Variants in PPP1R3B observed in about 807,000 individuals in gnomAD.
PPP1R3B encodes the protein protein phosphatase 1 regulatory subunit 3B.
In PPP1R3B, 8 loss-of-function variants were observed where a neutral mutation model predicts 14.6. The ratio of observed to expected loss-of-function variants is 0.55; its 90% confidence interval spans 0.32 to 0.99. The LOEUF is 0.99. Among genes scored for constraint, PPP1R3B ranks in the 50% least tolerant of loss-of-function variants. PPP1R3B has a pLI of 0.04. For synonymous variants in PPP1R3B, 169 were observed against 142.0 expected (o/e 1.19, Z -1.35); for missense variants, 452 against 360.1 (o/e 1.26, Z -2.07).
chr8:9,146,987 A>AT (rs879277011), intron 1 of PPP1R3B, among the ~76,000 whole-genome samples: 241 of 147,142 alleles, frequency 1.6e-3, no homozygotes, highest in African/African-American at 3.4e-3. Flanking sequence ...CTTATTTTTA[A>AT]TTTTTTTTTT....
At chr8:9,147,984 G>A (rs1054031068) in intron 1 of PPP1R3B, among the ~76,000 whole-genome samples, 10 of 152,120 alleles carry the variant, frequency 6.6e-5, no homozygotes, top group South Asian at 2.1e-4. Flanking sequence ...TAACCTGTGT[G>A]GCCTCAATCT....
chr8:9,141,776 T>G, intron 1 of PPP1R3B, 108 bp from the exon 2 acceptor site: 3 of 1,050,440 alleles, frequency 2.9e-6, no homozygotes, highest in Non-Finnish European at 4.0e-6. Flanking sequence ...TATTTCCTTT[T>G]ATCTATGCCC....
rs749147402 is a variant in PPP1R3B at position 9,140,732 on chromosome 8, G to A, written c.*62C>T. The A allele has an allele frequency of 3.2e-4, 496 of 1,571,254 alleles. No homozygotes were observed. Among genetic ancestry groups the A allele is most frequent in the Non-Finnish European group, 3.8e-4 (442 of 1,153,918 alleles). On this transcript the variant is annotated 3_prime_UTR_variant, in exon 2 of 2. Coordinates refer to ENST00000310455, the MANE Select transcript of PPP1R3B (RefSeq NM_024607.4). ...TCCTCCCTGGCCTTCCATCTCCACTGCACAGTGAGCAGAGCTAGGCTTGTC... is the reference window on the plus strand; with the variant it reads ...TCCTCCCTGGCCTTCCATCTCCACTACACAGTGAGCAGAGCTAGGCTTGTC...
In PPP1R3B at chr8:9,141,274, A is replaced by T; in HGVS notation, c.378T>A (p.Asn126Lys). The T allele has an allele frequency of 6.2e-7, 1 of 1,614,114 alleles. No homozygotes were observed. Among genetic ancestry groups the T allele is most frequent in the Non-Finnish European group, 8.5e-7 (1 of 1,180,020 alleles). ...QPSADYLDFRNRLQADHVCLE... is the reference protein window; with the variant it reads ...QPSADYLDFRKRLQADHVCLE... ...GGCAGACGTGGTCGGCCTGAAGTCG[A>T]TTTCTAAAGTCTAAGTAATCTGCAG... The change falls in exon 2 of 2, where the codon AAT becomes AAA. Residue 126 changes from asparagine (N) to lysine (K), a missense_variant. By Grantham distance (94) the Asn-to-Lys change is moderately conservative. Coordinates refer to ENST00000310455, the MANE Select transcript of PPP1R3B (RefSeq NM_024607.4).
chr8:9,142,107 G>A (rs568547212), intron 1 of PPP1R3B, among the ~76,000 whole-genome samples: 1 of 152,266 alleles, frequency 6.6e-6, no homozygotes, highest in East Asian at 1.9e-4. Flanking sequence ...ATTTATTTAC[G>A]TATTTTTAGA....
At chr8:9,146,147 A>G (rs1477094368) in intron 1 of PPP1R3B, among the ~76,000 whole-genome samples, 1 of 152,208 alleles carries the variant, frequency 6.6e-6, no homozygotes, top group Non-Finnish European at 1.5e-5. Flanking sequence ...AGCACTTTTT[A>G]TCATTCTAAT....
rs1348765646 is a variant in PPP1R3B at position 9,140,851 on chromosome 8, A to T, written c.801T>A (p.Gly267=). 2 of 1,614,090 alleles carry T rather than the reference A, an allele frequency of 1.2e-6. No individual in the cohort carries two copies. The highest frequency in any genetic ancestry group is 1.7e-5 in the Admixed American group (1 of 60,020). ...AGTAACTTGGCCACTCTGGAAACAG[A>T]CCATAGGAACACCGAGGGCTTCCGA... ...DQFGSPRCSY[G]LFPEWPSYLG... The change falls in exon 2 of 2, where the codon GGT becomes GGA. Residue 267 remains glycine, a synonymous_variant. Coordinates refer to ENST00000310455, the MANE Select transcript of PPP1R3B (RefSeq NM_024607.4).
At position 9,147,265 on chromosome 8, in the gene PPP1R3B, T is replaced by G. The variant is rs181361928; in HGVS notation, c.-18+3298A>C. 3.4e-3 allele frequency among the ~76,000 whole-genome samples: 519 copies of G among 152,266 alleles called. 2 individuals are homozygous for G. The highest frequency in any genetic ancestry group is 0.012 in the African/African-American group (499 of 41,548). On this transcript the variant is annotated intron_variant, in intron 1 of 1. Coordinates refer to ENST00000310455, the MANE Select transcript of PPP1R3B (RefSeq NM_024607.4). Reference sequence around the variant, plus strand: ...ATCTGCTCCCCTCAGCCTCCCACAGTGCTGGGATTATAGGCATGAGCCACC... The same window carrying G: ...ATCTGCTCCCCTCAGCCTCCCACAGGGCTGGGATTATAGGCATGAGCCACC...
At position 9,141,576 on chromosome 8, in the gene PPP1R3B, T is replaced by A. The variant is rs1217018808; in HGVS notation, c.76A>T (p.Ile26Phe). ...SLRQERFAFK[I>F]SPKPSKPLRP... ...AGTGGTTTGCTGGGCTTTGGTGAGATCTTAAAGGCAAACCTCTCTTGGCGC... is the reference window on the plus strand; with the variant it reads ...AGTGGTTTGCTGGGCTTTGGTGAGAACTTAAAGGCAAACCTCTCTTGGCGC... Residue 26 changes from isoleucine (I) to phenylalanine (F), a missense_variant, in exon 2 of 2, where the codon ATC becomes TTC. Transcript: ENST00000310455. 6.2e-7 allele frequency: 1 copy of A among 1,613,872 alleles called. No homozygotes were observed. Among genetic ancestry groups the A allele is most frequent in the Non-Finnish European group, 8.5e-7 (1 of 1,180,016 alleles).
In PPP1R3B at chr8:9,140,730, C is replaced by G; in HGVS notation, c.*64G>C. Reference sequence around the variant, plus strand: ...GCTCCTCCCTGGCCTTCCATCTCCACTGCACAGTGAGCAGAGCTAGGCTTG... The same window carrying G: ...GCTCCTCCCTGGCCTTCCATCTCCAGTGCACAGTGAGCAGAGCTAGGCTTG... On this transcript the variant is annotated 3_prime_UTR_variant, in exon 2 of 2. Transcript: ENST00000310455. 6.4e-7 allele frequency: 1 copy of G among 1,568,336 alleles called. No homozygotes were observed. Among genetic ancestry groups the G allele is most frequent in the South Asian group, 1.2e-5 (1 of 86,096 alleles).
At position 9,141,217 on chromosome 8, in the gene PPP1R3B, A is replaced by T; in HGVS notation, c.435T>A (p.Ile145=). Residue 145 remains isoleucine (I), a synonymous_variant, in exon 2 of 2, where the codon ATT becomes ATA. Coordinates refer to ENST00000310455, the MANE Select transcript of PPP1R3B (RefSeq NM_024607.4). Reference sequence around the variant, plus strand: ...GGTTCTGAACCTTCACAGTGCCTGCAATGGCCTTGTCCTTGAGCACACAGT... The same window carrying T: ...GGTTCTGAACCTTCACAGTGCCTGCTATGGCCTTGTCCTTGAGCACACAGT... ...LENCVLKDKA[I]AGTVKVQNLA... 1 of 1,614,192 alleles carries T rather than the reference A, an allele frequency of 6.2e-7. No homozygotes were observed.
At chr8:9,149,319 T>G (rs904848007) in intron 1 of PPP1R3B, among the ~76,000 whole-genome samples, 3 of 146,278 alleles carry the variant, frequency 2.1e-5, no homozygotes, top group South Asian at 2.2e-4. Context: ...GCTAACACGG[T>G]GAAACCCCGT....
In PPP1R3B at chr8:9,139,245, A is replaced by G. The variant is rs1169335150; in HGVS notation, c.*1549T>C. On this transcript the variant is annotated 3_prime_UTR_variant, in exon 2 of 2. Transcript: ENST00000310455. The stretch of plus-strand genomic sequence containing the variant: ...AGAGGTCTCTTTTACAACAGCACTA[A>G]CCAACAGACTTTAGTCCAATATGGT... 1 of 152,146 alleles carries G rather than the reference A, an allele frequency of 6.6e-6. No individual in the cohort carries two copies. The highest frequency in any genetic ancestry group is 1.5e-5 in the Non-Finnish European group (1 of 68,032). The allele number at this position is 152,146 out of a possible 1,614,324, so 9.4% of individuals were successfully genotyped here.
chr8:9,151,354 A>T (rs1000715961), upstream of PPP1R3B: 1 of 153,768 alleles, frequency 6.5e-6, no homozygotes, highest in East Asian at 1.9e-4. Context: ...TACCGGGTTC[A>T]GCTCATAAGT....
chr8:9,145,876 CTT>C (rs35263278), intron 1 of PPP1R3B, among the ~76,000 whole-genome samples: 1 of 151,274 alleles, frequency 6.6e-6, no homozygotes, highest in Non-Finnish European at 1.5e-5. Flanking sequence ...AAGCTGAGCA[CTT>C]TTTTTTTATA....
rs1055312175 is a variant in PPP1R3B, at chr8:9,138,322, A to G, written c.*2472T>C. On this transcript the variant is annotated 3_prime_UTR_variant, in exon 2 of 2. Coordinates refer to ENST00000310455, the MANE Select transcript of PPP1R3B (RefSeq NM_024607.4). Reference sequence around the variant, plus strand: ...ATAAGGTAAAAATGTGATTTCCCCTAAAATTATAACATCATGTCATCCTAG... The same window carrying G: ...ATAAGGTAAAAATGTGATTTCCCCTGAAATTATAACATCATGTCATCCTAG... 3 of 152,228 alleles carry G rather than the reference A, an allele frequency of 2.0e-5. No homozygotes were observed. Among genetic ancestry groups the G allele is most frequent in the Non-Finnish European group, 4.4e-5 (3 of 68,040 alleles). 9.4% of individuals were successfully genotyped at this position (152,228 alleles called of 1,614,324 possible). A position where few individuals can be genotyped will look rare whatever the true frequency, so the allele number is the denominator to read the frequency against.
chr8:9,149,580 A>C (rs1028572449), intron 1 of PPP1R3B, among the ~76,000 whole-genome samples: 12 of 152,260 alleles, frequency 7.9e-5, no homozygotes, highest in Non-Finnish European at 1.2e-4. Flanking sequence ...AAAGCTGCCG[A>C]ACTGCATTCA....
At chr8:9,146,612 C>G (rs149706796) in intron 1 of PPP1R3B, among the ~76,000 whole-genome samples, 33 of 152,328 alleles carry the variant, frequency 2.2e-4, no homozygotes, top group African/African-American at 7.7e-4. Flanking sequence ...GAGAAATACA[C>G]ATATTCGGAA....
In PPP1R3B at chr8:9,136,403, A is replaced by G. The variant is rs1800890564; in HGVS notation, c.*4391T>C. On this transcript the variant is annotated 3_prime_UTR_variant, in exon 2 of 2. Transcript: ENST00000310455. Reference sequence around the variant, plus strand: ...AAATATTTATCTTTTAAAACATGCAAAAATTTCTTGACAAGGCACTTTTAG... The same window carrying G: ...AAATATTTATCTTTTAAAACATGCAGAAATTTCTTGACAAGGCACTTTTAG... The G allele has an allele frequency of 6.6e-6, 1 of 152,222 alleles. No individual in the cohort carries two copies. Among genetic ancestry groups the G allele is most frequent in the African/African-American group, 2.4e-5 (1 of 41,460 alleles). 9.4% of individuals were successfully genotyped at this position (152,222 alleles called of 1,614,324 possible). A position where few individuals can be genotyped will look rare whatever the true frequency, so the allele number is the denominator to read the frequency against.
Sources: gnomAD v4.1 joint callset for allele counts (sites outside exome capture counted in the v4.1 genomes callset) on GRCh38, gnomAD v4.1.1 for gene constraint, MANE v1.5 for transcripts, NCBI Gene and HGNC (gene_info 2026-07-23, HGNC 2026-07-21) for gene names.